Variants in LSM1 observed in about 807,000 individuals in gnomAD.
The protein encoded by LSM1 is LSM1 homolog, mRNA degradation associated.
A neutral mutation model predicts 18.0 loss-of-function variants in LSM1; 13 were observed. The ratio of observed to expected loss-of-function variants is 0.72; its 90% confidence interval spans 0.47 to 1.15. The LOEUF is 1.15. LSM1 is among the 50% of genes most tolerant of loss of function. The pLI is 0.00. For missense variants in LSM1, 152 were observed against 157.7 expected, an observed-to-expected ratio of 0.96 and a Z score of 0.19; for synonymous variants, 46 against 56.0, an observed-to-expected ratio of 0.82 and a Z score of 0.80.
At chr8:38,170,570 G>A (rs573924153) in intron 2 of LSM1, among the ~76,000 whole-genome samples, 1 of 152,224 alleles carries the variant, frequency 6.6e-6, no homozygotes, top group East Asian at 1.9e-4. Context: ...CAACCACAGA[G>A]ATCAAAACTT....
rs556470634 is a variant in LSM1, at chr8:38,172,748, C to A, written c.47-715G>T. Among the ~76,000 whole-genome samples the A allele has an allele frequency of 7.9e-5, 12 of 152,298 alleles. No homozygotes were observed. In the South Asian group the frequency reaches 2.3e-3, roughly 29 times the overall value. On this transcript the variant is annotated intron_variant, in intron 1 of 3. Coordinates refer to ENST00000311351, the MANE Select transcript of LSM1 (RefSeq NM_014462.3). ...AATTATTTTGTCCTCAAAAGATGAG[C>A]TTCTATCTCACATTTTGTTTGTAAC...
At chr8:38,165,195 C>G (rs553885369) in intron 3 of LSM1, among the ~76,000 whole-genome samples, 1 of 151,720 alleles carries the variant, frequency 6.6e-6, no homozygotes, top group South Asian at 2.1e-4. Context: ...ACTAAAAATA[C>G]AAAAAAAATT....
intron 2 of LSM1, among the ~76,000 whole-genome samples, chr8:38,171,562 G>A (rs181704485): frequency 2.8e-4 from 43 of 152,336 alleles, no homozygotes; most frequent in African/African-American, 9.4e-4. Context: ...AGCTACTTGG[G>A]AGGCTGAGGC....
In LSM1 at chr8:38,176,153, G is replaced by A. The variant is rs531109207; in HGVS notation, c.46+122C>T. The A allele has an allele frequency of 3.4e-4, 256 of 758,112 alleles. No homozygotes were observed. In the South Asian group the frequency reaches 4.2e-3, roughly 13 times the overall value. The allele number at this position is 758,112 out of a possible 1,614,324, so 47.0% of individuals were successfully genotyped here. On this transcript the variant is annotated intron_variant, in intron 1 of 3. Coordinates refer to ENST00000311351, the MANE Select transcript of LSM1 (RefSeq NM_014462.3). ...GGAGGACATCGACGCGGAACGCCCG[G>A]ATTGAGCTCAGAACACACCGGCCCC...
At position 38,172,000 on chromosome 8, in the gene LSM1, G is replaced by A; in HGVS notation, c.80C>T (p.Thr27Ile). The change falls in exon 2 of 4, where the codon ACA (threonine) becomes ATA (isoleucine). Residue 27 changes from threonine (T) to isoleucine (I), a missense_variant. By Grantham distance (89) the Thr-to-Ile change is moderately conservative (BLOSUM62 -1). Transcript: ENST00000311351. ...KHLVLLRDGR[T>I]LIGFLRSIDQ... ...AATGCTTCTTAAAAAGCCTATAAGT[G>A]TCCTTCCATCTCGAAGCAGAACCAA... The A allele has an allele frequency of 6.8e-6, 11 of 1,612,070 alleles. No homozygotes were observed. Among genetic ancestry groups the A allele is most frequent in the Non-Finnish European group, 9.3e-6 (11 of 1,179,436 alleles).
chr8:38,175,204 C>T (rs1238964759), intron 1 of LSM1, among the ~76,000 whole-genome samples: 1 of 151,288 alleles, frequency 6.6e-6, no homozygotes, highest in African/African-American at 2.4e-5. Context: ...CCTCAGCCTC[C>T]CGAGTAGCTG....
chr8:38,170,034 T>C (rs1802998014), intron 2 of LSM1, 117 bp from the exon 3 acceptor site: 1 of 565,586 alleles, frequency 1.8e-6, no homozygotes, highest in South Asian at 2.6e-5. Context: ...CCAAGCTTTC[T>C]AATTATTTTT....
intron 1 of LSM1, chr8:38,175,667 T>C (rs1417874936): frequency 2.2e-5 from 3 of 138,962 alleles, no homozygotes; most frequent in Non-Finnish European, 1.6e-5. Context: ...TAAATTGTCT[T>C]AAAAAAAAAA....
chr8:38,170,010 G>T, intron 2 of LSM1, 93 bp from the exon 3 acceptor site: 1 of 618,744 alleles, frequency 1.6e-6, no homozygotes, highest in Non-Finnish European at 2.9e-6. Context: ...AAAAGATTTA[G>T]GTAAACATGA....
At chr8:38,174,946 C>G (rs959860931) in intron 1 of LSM1, among the ~76,000 whole-genome samples, 1 of 148,906 alleles carries the variant, frequency 6.7e-6, no homozygotes, top group African/African-American at 2.5e-5. Flanking sequence ...ATTGTTTAAA[C>G]CCGGGAGGTG....
chr8:38,170,039 A>ATTTT, intron 2 of LSM1, 122 bp from the exon 3 acceptor site: 1 of 547,248 alleles, frequency 1.8e-6, no homozygotes, highest in East Asian at 3.3e-5. Context: ...CTTTCTAATT[A>ATTTT]TTTTTATTTA....
chr8:38,172,303 G>GT (rs796403624), intron 1 of LSM1, among the ~76,000 whole-genome samples: 142 of 140,668 alleles, frequency 1.0e-3, no homozygotes, highest in Middle Eastern at 3.6e-3. Flanking sequence ...CCTTATGTTG[G>GT]TTTTTTTTTT....
intron 3 of LSM1, chr8:38,166,175 G>A (rs1427979197): frequency 4.6e-5 from 7 of 152,162 alleles, no homozygotes; most frequent in African/African-American, 1.7e-4. Flanking sequence ...GGAGTGCAGT[G>A]GCACAATCAC....
In LSM1 at chr8:38,176,255, G is replaced by A. The variant is rs778438032; in HGVS notation, c.46+20C>T. 1.9e-5 allele frequency: 31 copies of A among 1,611,940 alleles called. 1 individual carries two copies. In the Admixed American group the frequency reaches 5.0e-4, roughly 26 times the overall value. On this transcript the variant is annotated intron_variant, in intron 1 of 3. Coordinates refer to ENST00000311351, the MANE Select transcript of LSM1 (RefSeq NM_014462.3). ...AAGGGTCTAACCCCGGGCTCCACCGGGAGGAGATAAACTACTCACTGTCAA... is the reference window on the plus strand; with the variant it reads ...AAGGGTCTAACCCCGGGCTCCACCGAGAGGAGATAAACTACTCACTGTCAA...
intron 1 of LSM1, among the ~76,000 whole-genome samples, chr8:38,175,420 T>C (rs1197655797): frequency 5.3e-5 from 8 of 152,132 alleles, no homozygotes; most frequent in Non-Finnish European, 1.0e-4. Flanking sequence ...ACAGAGTAAC[T>C]GAGACGATTG....
At chr8:38,167,822 G>A (rs1323617071) in intron 3 of LSM1, among the ~76,000 whole-genome samples, 1 of 152,098 alleles carries the variant, frequency 6.6e-6, no homozygotes, top group Non-Finnish European at 1.5e-5. Context: ...GCTGAGACAG[G>A]AGGATTGCCT....
chr8:38,174,788 C>G (rs547675306), intron 1 of LSM1, among the ~76,000 whole-genome samples: 2 of 151,866 alleles, frequency 1.3e-5, no homozygotes, highest in Non-Finnish European at 2.9e-5. Context: ...TCTGGGAGGC[C>G]GAGGTGGGTG....
rs111528122 is a variant in LSM1, at chr8:38,172,513, T to C, written c.47-480A>G. Among the ~76,000 whole-genome samples, 1,446 of 152,030 alleles carry C rather than the reference T, an allele frequency of 9.5e-3. 9 individuals are homozygous for C. Among genetic ancestry groups the C allele is most frequent in the Non-Finnish European group, 0.017 (1,132 of 67,972 alleles). On this transcript the variant is annotated intron_variant, in intron 1 of 3. Coordinates refer to ENST00000311351, the MANE Select transcript of LSM1 (RefSeq NM_014462.3). The stretch of plus-strand genomic sequence containing the variant: ...ATTTTCATATTTTTAGTAGAGATGG[T>C]GTATCACCATGTTAGCTAGGCTGGT...
intron 2 of LSM1, among the ~76,000 whole-genome samples, chr8:38,171,516 A>C (rs1803030336): frequency 6.6e-6 from 1 of 152,236 alleles, no homozygotes; most frequent in East Asian, 1.9e-4. Flanking sequence ...AAAATACAAA[A>C]ATTAGCTGGG....
Sources: allele counts gnomAD v4.1 joint callset (sites outside exome capture counted in the v4.1 genomes callset), GRCh38; gene constraint gnomAD v4.1.1; transcripts MANE v1.5; gene names NCBI Gene and HGNC (gene_info 2026-07-23, HGNC 2026-07-21).